BRWD1: variants seen among roughly 807,000 people sequenced by gnomAD.
BRWD1 encodes bromodomain and WD repeat-containing protein 1.
Under a neutral mutation model 251.2 loss-of-function variants are expected in BRWD1, and 82 were observed. That is an observed-to-expected ratio of 0.33 (90% CI 0.27 to 0.39). The LOEUF is 0.39. Among genes scored for constraint, BRWD1 ranks in the 10% least tolerant of loss-of-function variants. The pLI is 1.00. For synonymous variants in BRWD1, 918 were observed against 902.8 expected (o/e 1.02, Z -0.30); for missense variants, 2,233 against 2,711.6 (o/e 0.82, Z 3.92).
chr21:39,208,283 A>C (rs2032500813), intron 36 of BRWD1, among the ~76,000 whole-genome samples: 1 of 152,178 alleles, frequency 6.6e-6, no homozygotes, highest in Non-Finnish European at 1.5e-5. Flanking sequence ...TCGCTGAAAA[A>C]AAACAGTCTT....
intron 5 of BRWD1, 70 bp from the exon 6 acceptor site, chr21:39,296,433 T>C (rs2035964138): frequency 6.9e-7 from 1 of 1,443,154 alleles, no homozygotes; most frequent in Non-Finnish European, 9.1e-7. Context: ...ATAGAATACT[T>C]ACGTATATTG....
chr21:39,282,554 T>C (rs902432383), intron 8 of BRWD1, among the ~76,000 whole-genome samples: 1 of 152,144 alleles, frequency 6.6e-6, no homozygotes, highest in Non-Finnish European at 1.5e-5. Context: ...AAACTTGCTT[T>C]CACTTTAAAA....
In BRWD1 at chr21:39,192,153, A is replaced by T. The variant is rs1006758938; in HGVS notation, c.*4106T>A. ...ATTATGAAAAAGGTAAAAATCTCTT[A>T]CTTTTGAGAATCCCCATGTATCCTT... On this transcript the variant is annotated 3_prime_UTR_variant, in exon 41 of 41. Coordinates refer to ENST00000342449, the MANE Select transcript of BRWD1 (RefSeq NM_033656.4). 2.0e-6 allele frequency: 2 copies of T among 985,096 alleles called. No homozygotes were observed. The highest frequency in any genetic ancestry group is 3.5e-5 in the African/African-American group (2 of 57,230). 61.0% of individuals were successfully genotyped at this position (985,096 alleles called of 1,614,324 possible). A position where few individuals can be genotyped will look rare whatever the true frequency, so the allele number is the denominator to read the frequency against.
chr21:39,209,256 G>A (rs1251871237), intron 36 of BRWD1, among the ~76,000 whole-genome samples: 1 of 151,668 alleles, frequency 6.6e-6, no homozygotes, highest in African/African-American at 2.4e-5. Flanking sequence ...TTAATCACCT[G>A]CTAATCTCAG....
At chr21:39,225,755 G>C (rs1047304542) in intron 27 of BRWD1, among the ~76,000 whole-genome samples, 3 of 151,880 alleles carry the variant, frequency 2.0e-5, no homozygotes, top group Non-Finnish European at 4.4e-5. Context: ...ATAACTACTA[G>C]ACCTACATGT....
chr21:39,220,969 C>A (rs2033152437), intron 29 of BRWD1, among the ~76,000 whole-genome samples: 1 of 151,806 alleles, frequency 6.6e-6, no homozygotes, highest in South Asian at 2.1e-4. Context: ...ACCAGCCTGG[C>A]CATGGCAAAA....
At chr21:39,204,913 C>G (rs2032317246) in intron 37 of BRWD1, among the ~76,000 whole-genome samples, 1 of 152,164 alleles carries the variant, frequency 6.6e-6, no homozygotes, top group Non-Finnish European at 1.5e-5. Flanking sequence ...TCACATCCTA[C>G]TGTGTGGCCC....
At chr21:39,298,079 G>A in intron 5 of BRWD1, 1 of 993,838 alleles carries the variant, frequency 1.0e-6, no homozygotes, top group Non-Finnish European at 1.2e-6. Flanking sequence ...AATACCTCTA[G>A]CATTTAAAGA....
rs758712151 is a variant in BRWD1, at chr21:39,196,445, GCTTTGT to G, written c.6618_6623del (p.Arg2206_Gln2207del). On this transcript the variant is annotated inframe_deletion, in exon 41 of 41. Coordinates refer to ENST00000342449, the MANE Select transcript of BRWD1 (RefSeq NM_033656.4). ...CATCCACACTTAACCTAGGGCGTTTGCTTTGTCTTTGACGTCTCACAGTTTTAGATA... is the reference window on the plus strand; with the variant it reads ...CATCCACACTTAACCTAGGGCGTTTGCTTTGACGTCTCACAGTTTTAGATA... 2 of 1,613,378 alleles carry G rather than the reference GCTTTGT, an allele frequency of 1.2e-6. No homozygotes were observed. Among genetic ancestry groups the G allele is most frequent in the African/African-American group, 2.7e-5 (2 of 74,848 alleles).
Position 39,191,059 on chromosome 21 carries a change from TA to T in BRWD1, c.*5199del, listed in dbSNP as rs1392841779. ...TTTTGAAATATGAATTCAGGGACTT[TA>T]TACTTAACTGCTTAATTTGCTTTTT... On this transcript the variant is annotated 3_prime_UTR_variant, in exon 41 of 41. Transcript: ENST00000342449. The T allele has an allele frequency of 4.1e-6, 4 of 985,068 alleles. No homozygotes were observed. The African/African-American group carries it at 7.0e-5, about 17-fold the overall frequency. The allele number at this position is 985,068 out of a possible 1,614,324, so 61.0% of individuals were successfully genotyped here.
intron 19 of BRWD1, among the ~76,000 whole-genome samples, chr21:39,253,190 G>A (rs2034451478): frequency 6.7e-6 from 1 of 150,076 alleles, no homozygotes; most frequent in South Asian, 2.1e-4. Context: ...TCTGGAGGCT[G>A]AGGCAAGAGA....
rs533462342 is a variant in BRWD1, at chr21:39,241,286, T to A, written c.2482-2713A>T. ...TTCAAGACCAGCATGGCCAACATGGTGAAACCCTGTCTCTACCAAAAACAT... is the reference window on the plus strand; with the variant it reads ...TTCAAGACCAGCATGGCCAACATGGAGAAACCCTGTCTCTACCAAAAACAT... On this transcript the variant is annotated intron_variant, in intron 21 of 40. Coordinates refer to ENST00000342449, the MANE Select transcript of BRWD1 (RefSeq NM_033656.4). Among the ~76,000 whole-genome samples, 10 of 150,988 alleles carry A rather than the reference T, an allele frequency of 6.6e-5. No individual in the cohort carries two copies. The East Asian group carries it at 2.0e-3, about 30-fold the overall frequency.
intron 4 of BRWD1, among the ~76,000 whole-genome samples, chr21:39,310,984 G>C (rs1181990129): frequency 6.6e-6 from 1 of 151,868 alleles, no homozygotes; most frequent in Non-Finnish European, 1.5e-5. Context: ...GGGACTGGAG[G>C]GCAGAGAGGA....
intron 4 of BRWD1, among the ~76,000 whole-genome samples, chr21:39,301,022 C>T (rs558016350): frequency 6.6e-6 from 1 of 152,038 alleles, no homozygotes; most frequent in South Asian, 2.1e-4. Context: ...ACTAAAAATA[C>T]AAAAAAATTA....
At chr21:39,312,569 G>T in intron 4 of BRWD1, 1 of 329,888 alleles carries the variant, frequency 3.0e-6, no homozygotes, top group Admixed American at 5.1e-5. Flanking sequence ...AGAGGCGGCC[G>T]CACCTGGAGC....
At chr21:39,312,615 C>CA in intron 4 of BRWD1, 1 of 376,522 alleles carries the variant, frequency 2.7e-6, no homozygotes, top group South Asian at 3.5e-5. Context: ...GAGTCGCCCC[C>CA]ACCGCTCCGC....
chr21:39,299,668 T>C (rs1431537285), intron 4 of BRWD1, among the ~76,000 whole-genome samples: 1 of 151,934 alleles, frequency 6.6e-6, no homozygotes, highest in Non-Finnish European at 1.5e-5. Flanking sequence ...AGTACAAGCT[T>C]TTCTGGGAAC....
chr21:39,299,640 C>A (rs909546768), intron 4 of BRWD1, among the ~76,000 whole-genome samples: 2 of 152,020 alleles, frequency 1.3e-5, no homozygotes, highest in African/African-American at 4.8e-5. Flanking sequence ...GAAAAATCTA[C>A]ATTAACTAAT....
At chr21:39,311,313 A>T (rs2036476614) in intron 4 of BRWD1, among the ~76,000 whole-genome samples, 1 of 152,018 alleles carries the variant, frequency 6.6e-6, no homozygotes, top group South Asian at 2.1e-4. Context: ...GACTACAGGC[A>T]CGCACCACCA....
Sources: gnomAD v4.1 joint callset for allele counts (sites outside exome capture counted in the v4.1 genomes callset) on GRCh38, gnomAD v4.1.1 for gene constraint, MANE v1.5 for transcripts, NCBI Gene and HGNC (gene_info 2026-07-23, HGNC 2026-07-21) for gene names.